The following KCNQ2 variants were observed in gnomAD, a reference collection of about 807,000 sequenced individuals.
KCNQ2 encodes potassium voltage-gated channel subfamily KQT member 2.
In KCNQ2, 14 loss-of-function variants were observed where a neutral mutation model predicts 84.8. The observed-to-expected ratio is 0.17, with a 90% CI of 0.11 to 0.26. The LOEUF (loss-of-function observed/expected upper bound fraction) is 0.26, where lower values mean the gene tolerates loss of function less well. KCNQ2 is among the 10% of genes least tolerant of loss of function. KCNQ2 has a pLI of 1.00. For synonymous variants in KCNQ2, 599 were observed against 554.1 expected (o/e 1.08, Z -1.14); for missense variants, 788 against 1,254.0 (o/e 0.63, Z 5.61).
chr20:63,410,926 A>C (rs2080102209), intron 15 of KCNQ2: 1 of 438,150 alleles, frequency 2.3e-6, no homozygotes, highest in Non-Finnish European at 4.6e-6. Context: ...TCAGCCAATC[A>C]GACTTGCCAG....
In KCNQ2 at chr20:63,400,855, C is replaced by A; in HGVS notation, c.*5789G>T. 1 of 398,454 alleles carries A rather than the reference C, an allele frequency of 2.5e-6. No homozygotes were observed. Among genetic ancestry groups the A allele is most frequent in the Non-Finnish European group, 4.4e-6 (1 of 225,926 alleles). The allele number at this position is 398,454 out of a possible 1,614,324, so 24.7% of individuals were successfully genotyped here. A position where few individuals can be genotyped will look rare whatever the true frequency, so the allele number is the denominator to read the frequency against. ...TCTGGAGCCCGTCCCTTGGGCCCCT[C>A]GCCCGCCCCACCTGTTCGCAGGGTC... On this transcript the variant is annotated 3_prime_UTR_variant, in exon 17 of 17. Transcript: ENST00000359125. The surrounding 1 kb of genome is among the most constrained non-coding windows in gnomAD (Gnocchi z 8.7).
Position 63,446,602 on chromosome 20 carries a change from G to T in KCNQ2, c.387+145C>A. ...CCGGGCTGTGGGGCTGGGGGCAGAT[G>T]GGAACTGACAGGGCACAAAGACATG... On this transcript the variant is annotated intron_variant, in intron 2 of 16. Transcript: ENST00000359125. This position sits in a 1 kb window ranked among gnomAD's most constrained non-coding sequence, Gnocchi z 5.5. 1.4e-6 allele frequency: 1 copy of T among 714,942 alleles called. No individual in the cohort carries two copies. The highest frequency in any genetic ancestry group is 1.6e-5 in the South Asian group (1 of 62,462). 44.3% of individuals were successfully genotyped at this position (714,942 alleles called of 1,614,324 possible).
Position 63,407,386 on chromosome 20 carries a change from G to A in KCNQ2, c.1888-11C>T. On this transcript the variant is annotated splice_polypyrimidine_tract_variant and intron_variant, in intron 16 of 16. Coordinates refer to ENST00000359125, the MANE Select transcript of KCNQ2 (RefSeq NM_172107.4). This position sits in a 1 kb window ranked among gnomAD's most constrained non-coding sequence, Gnocchi z 7.2. ...CTCCATGGACAAGACCTGCAAAAGG[G>A]GCTGCTGGGCTGGGGTGCGAGGGCC... 6.3e-7 allele frequency: 1 copy of A among 1,597,682 alleles called. No homozygotes were observed. Among genetic ancestry groups the A allele is most frequent in the Non-Finnish European group, 8.5e-7 (1 of 1,179,556 alleles).
At chr20:63,431,978 CCG>C in intron 8 of KCNQ2, among the ~76,000 whole-genome samples, 4 of 147,988 alleles carry the variant, frequency 2.7e-5, no homozygotes, top group Admixed American at 6.7e-5. Context: ...AAGGCCCCAC[CCG>C]CAGGGAAGGC....
chr20:63,410,489 G>T (rs947840234), intron 15 of KCNQ2, among the ~76,000 whole-genome samples: 8 of 152,222 alleles, frequency 5.3e-5, no homozygotes, highest in Admixed American at 5.2e-4. Context: ...TCACAGCTGT[G>T]GATGCCCAGC....
intron 7 of KCNQ2, 91 bp from the exon 8 acceptor site, chr20:63,433,994 G>A (rs963624098): frequency 1.8e-6 from 2 of 1,132,262 alleles, no homozygotes; most frequent in Non-Finnish European, 1.3e-6. Flanking sequence ...GGGCAGAGGG[G>A]ACCCCCATGC....
At chr20:63,451,697 C>T (rs1198719880) in intron 1 of KCNQ2, among the ~76,000 whole-genome samples, 1 of 151,890 alleles carries the variant, frequency 6.6e-6, no homozygotes, top group Non-Finnish European at 1.5e-5. Flanking sequence ...CCCACGGCTT[C>T]CCTCTGCCCG....
chr20:63,424,147 G>A (rs1371371519), intron 11 of KCNQ2, 30 bp downstream of exon 11: 6 of 1,553,588 alleles, frequency 3.9e-6, no homozygotes, highest in Non-Finnish European at 5.2e-6. Context: ...GCACACGGCA[G>A]ACACCAGGGT....
At chr20:63,462,223 A>G (rs1391936017) in intron 1 of KCNQ2, among the ~76,000 whole-genome samples, 1 of 138,300 alleles carries the variant, frequency 7.2e-6, no homozygotes, top group Non-Finnish European at 1.6e-5. Context: ...AGGAGGCTGC[A>G]TCTACCCCAG....
rs560989102 is a variant in KCNQ2 at position 63,405,117 on chromosome 20, C to T, written c.*1527G>A. ...ACTGGTTCCCCTGCTGGCCTCAGGG[C>T]CTCAGGACCTCCCAGCCAAGCCAAG... On this transcript the variant is annotated 3_prime_UTR_variant, in exon 17 of 17. Coordinates refer to ENST00000359125, the MANE Select transcript of KCNQ2 (RefSeq NM_172107.4). The T allele has an allele frequency of 2.0e-5, 3 of 152,348 alleles. No homozygotes were observed. In the South Asian group the frequency reaches 6.2e-4, roughly 32 times the overall value. The allele number at this position is 152,348 out of a possible 1,614,324, so 9.4% of individuals were successfully genotyped here. A position where few individuals can be genotyped will look rare whatever the true frequency, so the allele number is the denominator to read the frequency against.
Position 63,472,556 on chromosome 20 carries a change from G to T in KCNQ2, c.-93C>A. 1 of 1,135,356 alleles carries T rather than the reference G, an allele frequency of 8.8e-7. No individual in the cohort carries two copies. The highest frequency in any genetic ancestry group is 4.0e-5 in the South Asian group (1 of 24,824). 70.3% of individuals were successfully genotyped at this position (1,135,356 alleles called of 1,614,324 possible). The stretch of plus-strand genomic sequence containing the variant: ...GGGCCCCAGCCCAGGCCCCCCGGCC[G>T]GGAGCCGCATGGCCGAGGCGGCGGT... On this transcript the variant is annotated 5_prime_UTR_variant, in exon 1 of 17. Coordinates refer to ENST00000359125, the MANE Select transcript of KCNQ2 (RefSeq NM_172107.4).
At chr20:63,435,902 C>A (rs2080982493) in intron 7 of KCNQ2, among the ~76,000 whole-genome samples, 1 of 149,232 alleles carries the variant, frequency 6.7e-6, no homozygotes, top group African/African-American at 2.5e-5. Context: ...CTCGAGAGTC[C>A]CCCACCCTCT....
intron 12 of KCNQ2, among the ~76,000 whole-genome samples, chr20:63,416,525 G>GA (rs2080302419): frequency 2.6e-5 from 4 of 152,210 alleles, no homozygotes; most frequent in Non-Finnish European, 5.9e-5. Context: ...GCCATGCTTA[G>GA]CAGCCACGGA....
At chr20:63,413,909 A>G (rs1247582997) in intron 14 of KCNQ2, among the ~76,000 whole-genome samples, 179 bp downstream of exon 14, 1 of 152,144 alleles carries the variant, frequency 6.6e-6, no homozygotes, top group Admixed American at 6.5e-5. Context: ...CCTGAGTCCC[A>G]GAGGAGTGCA....
intron 5 of KCNQ2, among the ~76,000 whole-genome samples, chr20:63,441,629 TGTG>T (rs199890410): frequency 0.28 from 42,330 of 151,912 alleles, 6,113 homozygotes; most frequent in African/African-American, 0.35. Context: ...ACCCTGACCC[TGTG>T]GTGGGGCCTG....
At chr20:63,463,106 G>T (rs2081997219) in intron 1 of KCNQ2, among the ~76,000 whole-genome samples, 1 of 151,502 alleles carries the variant, frequency 6.6e-6, no homozygotes, top group Admixed American at 6.6e-5. Flanking sequence ...ATGTGAATTT[G>T]ACCTATTCTG....
At chr20:63,418,205 G>A (rs914940751) in intron 12 of KCNQ2, among the ~76,000 whole-genome samples, 1 of 152,202 alleles carries the variant, frequency 6.6e-6, no homozygotes, top group Non-Finnish European at 1.5e-5. Context: ...AAGCGCACGC[G>A]AAAAGCTGCC....
In KCNQ2 at chr20:63,433,740, G is replaced by A. The variant is rs142571798; in HGVS notation, c.1118+69C>T. 3.0e-5 allele frequency: 49 copies of A among 1,611,554 alleles called. No homozygotes were observed. The African/African-American group carries it at 5.3e-4, about 18-fold the overall frequency. On this transcript the variant is annotated intron_variant, in intron 8 of 16. Coordinates refer to ENST00000359125, the MANE Select transcript of KCNQ2 (RefSeq NM_172107.4). ...ATCAAAATAATGAACAACAAAAAGT[G>A]GGGTTTAAGAACAAATGGAAAATAA... is the stretch of plus-strand genomic sequence containing the variant.
chr20:63,470,048 C>T (rs997643454), intron 1 of KCNQ2, among the ~76,000 whole-genome samples: 6 of 152,234 alleles, frequency 3.9e-5, no homozygotes, highest in Non-Finnish European at 7.4e-5. Flanking sequence ...GCAGCTGTGC[C>T]GACGTTACCG....
Sources: allele counts gnomAD v4.1 joint callset (sites outside exome capture counted in the v4.1 genomes callset), GRCh38; gene constraint gnomAD v4.1.1; non-coding constraint Gnocchi (gnomAD v3.1); transcripts MANE v1.5; gene names NCBI Gene and HGNC (gene_info 2026-07-23, HGNC 2026-07-21).